The following POM121 variants were observed in gnomAD, a reference collection of about 807,000 sequenced individuals.
POM121 encodes the protein nuclear envelope pore membrane protein POM 121.
A neutral mutation model predicts 81.3 loss-of-function variants in POM121; 32 were observed. The ratio of observed to expected loss-of-function variants is 0.39; its 90% CI spans 0.30 to 0.53. The LOEUF is 0.53. POM121 is among the 20% of genes least tolerant of loss of function. The probability of loss-of-function intolerance (pLI) is 0.66; values close to 1 mark genes in which losing one functional copy is unlikely to be tolerated. For synonymous variants in POM121, 514 were observed against 694.2 expected (o/e 0.74, Z 4.08); for missense variants, 1,138 against 1,614.6 (o/e 0.70, Z 5.06).
chr7:72,887,691 C>T (rs768988184), intron 1 of POM121, among the ~76,000 whole-genome samples: 47 of 151,944 alleles, frequency 3.1e-4, no homozygotes, highest in Non-Finnish European at 5.4e-4. Flanking sequence ...GCTGGGCATG[C>T]TGGTGCACGC....
At chr7:72,927,094 A>T in intron 3 of POM121, 131 bp downstream of exon 3, 1 of 1,422,944 alleles carries the variant, frequency 7.0e-7, no homozygotes, top group African/African-American at 1.4e-5. Context: ...TCTTTGGCTT[A>T]CATGGAGGAA....
At chr7:72,894,538 A>G (rs1554491369) in intron 3 of POM121, among the ~76,000 whole-genome samples, 3 of 150,922 alleles carry the variant, frequency 2.0e-5, no homozygotes, top group Admixed American at 1.3e-4. Flanking sequence ...AGATCGTGCC[A>G]TTGCACTCCA....
Position 72,925,552 on chromosome 7 carries a change from C to T in POM121, c.431C>T (p.Pro144Leu). The T allele has an allele frequency of 1.3e-6, 2 of 1,532,426 alleles. No individual in the cohort carries two copies. The allele number at this position is 1,532,426 out of a possible 1,614,324, so 94.9% of individuals were successfully genotyped here. ...LLLMGSYLGK[P>L]GPPQPAAAPE... ...CTCATGGGCAGTTACCTGGGCAAGC[C>T]CGGGCCGCCGCAGCCCGCCGCCGCT... The change falls in exon 1 of 13, where the codon CCC (proline) becomes CTC (leucine). Residue 144 changes from proline (P) to leucine (L), a missense_variant. Around this residue, in one of 7 missense-constraint regions of POM121, gnomAD observed 646 missense variants for 633.5 expected, o/e 1.02. Coordinates refer to ENST00000434423, the MANE Select transcript of POM121 (RefSeq NM_001387691.1).
In POM121 at chr7:72,943,045, G is replaced by C; in HGVS notation, c.3052G>C (p.Val1018Leu). ...TPAPPSMIKV[V>L]PAYVPTPIHP... Reference sequence around the variant, plus strand: ...TGCACCTCCGTCCATGATCAAGGTCGTGCCTGCGTACGTGCCTACGCCCAT... The same window carrying C: ...TGCACCTCCGTCCATGATCAAGGTCCTGCCTGCGTACGTGCCTACGCCCAT... Residue 1018 changes from valine (V) to leucine (L), a missense_variant, in exon 11 of 13, where the codon GTG becomes CTG. Physicochemically the swap from Val to Leu is conservative, Grantham distance 32. Coordinates refer to ENST00000434423, the MANE Select transcript of POM121 (RefSeq NM_001387691.1). The C allele has an allele frequency of 1.2e-6, 2 of 1,613,906 alleles. No homozygotes were observed. The highest frequency in any genetic ancestry group is 1.7e-6 in the Non-Finnish European group (2 of 1,179,876).
chr7:72,890,673 A>G, exon 2 of POM121: 2 of 1,601,492 alleles, frequency 1.2e-6, no homozygotes, highest in Non-Finnish European at 1.7e-6. Context: ...ACCCAGGAGG[A>G]GTGGTGGCAA....
In POM121 at chr7:72,943,094, C is replaced by G; in HGVS notation, c.3101C>G (p.Thr1034Arg). 1.9e-6 allele frequency: 3 copies of G among 1,613,630 alleles called. No homozygotes were observed. Among genetic ancestry groups the G allele is most frequent in the Non-Finnish European group, 2.5e-6 (3 of 1,179,812 alleles). The part of the protein sequence containing the change: ...TPIHPIFGGA[T>R]HSAFGLKATA... ...ATCCATCCTATCTTTGGCGGTGCCA[C>G]GCACTCGGCGTTTGGGTTGAAAGCC... The change falls in exon 11 of 13, where the codon ACG (threonine) becomes AGG (arginine). Residue 1034 changes from threonine to arginine, a missense_variant. By Grantham distance (71) the Thr-to-Arg change is moderately conservative. Coordinates refer to ENST00000434423, the MANE Select transcript of POM121 (RefSeq NM_001387691.1).
intron 1 of POM121, among the ~76,000 whole-genome samples, chr7:72,880,162 G>C (rs562004289): frequency 2.6e-5 from 4 of 152,266 alleles, no homozygotes; most frequent in East Asian, 3.9e-4. Context: ...CCTCCTCTCT[G>C]TGCTCCAGAT....
intron 5 of POM121, among the ~76,000 whole-genome samples, chr7:72,935,656 G>GT (rs1796442405): frequency 6.6e-6 from 1 of 150,594 alleles, no homozygotes; most frequent in Non-Finnish European, 1.5e-5. Flanking sequence ...AATTTTTGTA[G>GT]TTTTAGTAGA....
At chr7:72,938,231 C>CTTT (rs879963343) in intron 5 of POM121, among the ~76,000 whole-genome samples, 1 of 143,572 alleles carries the variant, frequency 7.0e-6, no homozygotes, top group African/African-American at 2.5e-5. Flanking sequence ...ATTTTCTTTT[C>CTTT]TTTTTTTTTT....
chr7:72,895,344 C>T lies in POM121; in HGVS notation c.-216+4234C>T, dbSNP rs187718093. The stretch of plus-strand genomic sequence containing the variant: ...TGCTTCCTCTCCCAGCCTTTCACCT[C>T]CTGTGCGTTCACTAAATTCACCAGT... On this transcript the variant is annotated intron_variant, in intron 3 of 15. Coordinates refer to the POM121 transcript ENST00000395270. 6.6e-3 allele frequency among the ~76,000 whole-genome samples: 998 copies of T among 152,324 alleles called. 6 individuals are homozygous for T. The highest frequency in any genetic ancestry group is 9.8e-3 in the Non-Finnish European group (665 of 68,032).
Position 72,925,339 on chromosome 7 carries a change from C to T in POM121, c.218C>T (p.Pro73Leu), listed in dbSNP as rs782772966. 9.8e-6 allele frequency: 15 copies of T among 1,534,230 alleles called. No homozygotes were observed. Among genetic ancestry groups the T allele is most frequent in the Non-Finnish European group, 1.2e-5 (14 of 1,146,662 alleles). The change falls in exon 1 of 13, where the codon CCC becomes CTC. Residue 73 changes from proline (P) to leucine (L), a missense_variant. Pro to Leu is a moderately conservative substitution (Grantham distance 98, BLOSUM62 -3). Coordinates refer to ENST00000434423, the MANE Select transcript of POM121 (RefSeq NM_001387691.1). ...TAAWWGLSRE[P>L]RGSRPLSSFV... ...GCCTGGTGGGGACTGAGCCGCGAGCCCCGAGGTTCGCGCCCCTTGTCCTCC... is the reference window on the plus strand; with the variant it reads ...GCCTGGTGGGGACTGAGCCGCGAGCTCCGAGGTTCGCGCCCCTTGTCCTCC...
intron 2 of POM121, 63 bp downstream of exon 2, chr7:72,926,540 T>C: frequency 1.2e-6 from 2 of 1,604,010 alleles, no homozygotes; most frequent in Non-Finnish European, 1.7e-6. Context: ...TCTCCAGTTG[T>C]TCCTATGACA....
intron 3 of POM121, among the ~76,000 whole-genome samples, chr7:72,927,480 C>T (rs1252171216): frequency 2.0e-5 from 3 of 152,128 alleles, no homozygotes; most frequent in Admixed American, 6.5e-5. Flanking sequence ...GAGGCCGACA[C>T]GGGTGGATCA....
At chr7:72,949,960 G>T, downstream of POM121, 1 of 1,611,054 alleles carries the variant, frequency 6.2e-7, no homozygotes, top group East Asian at 2.2e-5. Context: ...GAGACAGCTG[G>T]CCTGGCAGGC....
chr7:72,926,200 C>G (rs1211860959), intron 1 of POM121, 62 bp from the exon 2 acceptor site: 3 of 1,478,872 alleles, frequency 2.0e-6, no homozygotes, highest in Non-Finnish European at 1.8e-6. Context: ...GGTTTTTAAC[C>G]GTTTAAAAAT....
At chr7:72,902,717 A>G (rs1792818466) in intron 3 of POM121, among the ~76,000 whole-genome samples, 1 of 152,050 alleles carries the variant, frequency 6.6e-6, no homozygotes, top group African/African-American at 2.4e-5. Context: ...TTTTGTAGAG[A>G]GGGGGTTTCA....
At chr7:72,906,539 C>T (rs1220450205) in intron 3 of POM121, among the ~76,000 whole-genome samples, 2 of 152,226 alleles carry the variant, frequency 1.3e-5, no homozygotes, top group African/African-American at 4.8e-5. Flanking sequence ...TGATTCCAAT[C>T]ACTCTTTCTA....
intron 4 of POM121, among the ~76,000 whole-genome samples, chr7:72,928,904 T>A (rs782449694): frequency 6.6e-6 from 1 of 152,134 alleles, no homozygotes; most frequent in Non-Finnish European, 1.5e-5. Context: ...GTCAGCAGTG[T>A]GATGTGGCCG....
chr7:72,932,925 G>A (rs1390484261), intron 5 of POM121, among the ~76,000 whole-genome samples: 1 of 151,704 alleles, frequency 6.6e-6, no homozygotes, highest in Non-Finnish European at 1.5e-5. Context: ...GGTGGCACAT[G>A]CCTGTAATCC....
Sources: gnomAD v4.1 joint callset for allele counts (sites outside exome capture counted in the v4.1 genomes callset) on GRCh38, gnomAD v4.1.1 for gene constraint, gnomAD v4.1.1 regional missense constraint, MANE v1.5 for transcripts, NCBI Gene and HGNC (gene_info 2026-07-23, HGNC 2026-07-21) for gene names.